ZNF236: variants seen among roughly 807,000 people sequenced by gnomAD.
The protein encoded by ZNF236 is zinc finger protein 236, also known as regulated by glucose.
A neutral mutation model predicts 191.2 loss-of-function variants in ZNF236; 50 were observed. The ratio of observed to expected loss-of-function variants is 0.26; its 90% confidence interval spans 0.21 to 0.33. The LOEUF (loss-of-function observed/expected upper bound fraction) is 0.33. Ranked by LOEUF, ZNF236 falls within the 10% of genes least tolerant of loss-of-function variation. ZNF236 has a pLI of 1.00. For missense variants in ZNF236, 1,754 were observed against 2,374.5 expected (o/e 0.74, Z 5.43); for synonymous variants, 907 against 928.8 (o/e 0.98, Z 0.43).
At chr18:76,908,696 A>G (rs1176454009) in intron 14 of ZNF236, 123 bp downstream of exon 14, 2 of 1,270,966 alleles carry the variant, frequency 1.6e-6, no homozygotes, top group East Asian at 4.7e-5. Context: ...CTGTATGTGA[A>G]AGAGATTGAA....
At chr18:76,868,894 A>C (rs771977221) in intron 4 of ZNF236, 31 bp downstream of exon 4, 4 of 1,555,104 alleles carry the variant, frequency 2.6e-6, no homozygotes, top group Non-Finnish European at 3.5e-6. Flanking sequence ...TTGGTCAAAA[A>C]TCCATCTAAT....
At chr18:76,956,637 G>A (rs1257489498) in intron 28 of ZNF236, among the ~76,000 whole-genome samples, 1 of 152,198 alleles carries the variant, frequency 6.6e-6, no homozygotes, top group Non-Finnish European at 1.5e-5. Flanking sequence ...GCCTCCCAAG[G>A]TTTAGCTGCC....
intron 3 of ZNF236, among the ~76,000 whole-genome samples, chr18:76,860,021 G>A (rs17059983): frequency 6.6e-6 from 1 of 152,248 alleles, no homozygotes; most frequent in East Asian, 1.9e-4. Flanking sequence ...GCTTTCCACC[G>A]CTCAGCCGCT....
rs1968836120 is a variant in ZNF236 at position 76,968,349 on chromosome 18, G to A, written c.*10G>A. Reference sequence around the variant, plus strand: ...CACCCACGTCTTCTGATGCGAGTTGGAAGTACACCTTTAAGAATGTTTCTG... The same window carrying A: ...CACCCACGTCTTCTGATGCGAGTTGAAAGTACACCTTTAAGAATGTTTCTG... On this transcript the variant is annotated 3_prime_UTR_variant, in exon 31 of 31. Transcript: ENST00000320610. 4.4e-6 allele frequency: 7 copies of A among 1,603,252 alleles called. No individual in the cohort carries two copies. The highest frequency in any genetic ancestry group is 5.9e-6 in the Non-Finnish European group (7 of 1,177,302).
chr18:76,949,442 A>G (rs1333042111), intron 27 of ZNF236, among the ~76,000 whole-genome samples: 1 of 152,142 alleles, frequency 6.6e-6, no homozygotes, highest in Non-Finnish European at 1.5e-5. Context: ...TTTTTTTCAA[A>G]ATTTGACAGA....
chr18:76,903,134 G>A (rs1049518634), intron 11 of ZNF236, among the ~76,000 whole-genome samples: 2 of 152,236 alleles, frequency 1.3e-5, no homozygotes, highest in Non-Finnish European at 2.9e-5. Context: ...AGGAAGCATA[G>A]GTGAATTTCC....
At chr18:76,892,328 A>G (rs1977272625) in intron 9 of ZNF236, among the ~76,000 whole-genome samples, 1 of 151,532 alleles carries the variant, frequency 6.6e-6, no homozygotes. Flanking sequence ...ATATTTCTTT[A>G]TCTTGACTAA....
intron 27 of ZNF236, 108 bp from the exon 28 acceptor site, chr18:76,955,877 C>A (rs769042083): frequency 3.2e-6 from 4 of 1,249,572 alleles, no homozygotes; most frequent in Admixed American, 2.0e-5. Flanking sequence ...GTGGGCTTGG[C>A]GTGTCCGTGC....
In ZNF236 at chr18:76,956,589, T is replaced by A. The variant is rs1968531095; in HGVS notation, c.5112+407T>A. 2.0e-5 allele frequency among the ~76,000 whole-genome samples: 3 copies of A among 152,190 alleles called. No homozygotes were observed. In the South Asian group the frequency reaches 6.2e-4, roughly 32 times the overall value. ...TGGGCAGCCCTAACAAATGCATGTG[T>A]GCTCACCCTGGGGACCAGCCCTGAA... is the stretch of plus-strand genomic sequence containing the variant. On this transcript the variant is annotated intron_variant, in intron 28 of 30. Transcript: ENST00000320610.
chr18:76,823,673 A>G (rs1020470971), intron 1 of ZNF236, among the ~76,000 whole-genome samples: 1 of 152,244 alleles, frequency 6.6e-6, no homozygotes, highest in African/African-American at 2.4e-5. Flanking sequence ...AGGCAGACAC[A>G]CAACCGGGCA....
rs1967641420 is a variant in ZNF236 at position 76,925,225 on chromosome 18, C to T, written c.3698C>T (p.Ala1233Val). 6.2e-7 allele frequency: 1 copy of T among 1,614,138 alleles called. No individual in the cohort carries two copies. The highest frequency in any genetic ancestry group is 8.5e-7 in the Non-Finnish European group (1 of 1,180,008). ...TTCAGCTGTCACGTCTGCAGCAACG[C>T]CTTCTCCACGAAGGGAAGTCTGAAG... ...KLFSCHVCSN[A>V]FSTKGSLKVH... Residue 1233 changes from alanine to valine, a missense_variant, in exon 22 of 31, where the codon GCC becomes GTC. Physicochemically the swap from Ala to Val is moderately conservative, Grantham distance 64. Coordinates refer to ENST00000320610, the MANE Select transcript of ZNF236 (RefSeq NM_001306089.2). The surrounding 1 kb of genome is among the most constrained non-coding windows in gnomAD (Gnocchi z 5.7).
At chr18:76,847,737 A>G (rs577482586) in intron 1 of ZNF236, among the ~76,000 whole-genome samples, 2 of 152,100 alleles carry the variant, frequency 1.3e-5, no homozygotes, top group Admixed American at 6.6e-5. Context: ...CTGCCTCCCA[A>G]AGTGCTGGGA....
chr18:76,919,824 G>C lies in ZNF236; in HGVS notation c.3323G>C (p.Arg1108Pro), dbSNP rs779267790. The C allele has an allele frequency of 1.9e-6, 3 of 1,614,190 alleles. No individual in the cohort carries two copies. The highest frequency in any genetic ancestry group is 2.5e-6 in the Non-Finnish European group (3 of 1,180,034). ...GAACATTCTGACAGAAATGCATCAC[G>C]GAAGTCTCGTCCTGAGGTCATCACT... is the stretch of plus-strand genomic sequence containing the variant. Reference protein sequence around the residue: ...EEEHSDRNASRKSRPEVITFT... With the variant: ...EEEHSDRNASPKSRPEVITFT... The change falls in exon 20 of 31, where the codon CGG becomes CCG. Residue 1108 changes from arginine (R) to proline (P), a missense_variant. By Grantham distance (103) the Arg-to-Pro change is moderately radical (BLOSUM62 -2). Coordinates refer to ENST00000320610, the MANE Select transcript of ZNF236 (RefSeq NM_001306089.2). This position sits in a 1 kb window ranked among gnomAD's most constrained non-coding sequence, Gnocchi z 5.3.
chr18:76,877,945 A>G, intron 6 of ZNF236, 64 bp from the exon 7 acceptor site: 1 of 1,300,908 alleles, frequency 7.7e-7, no homozygotes, highest in Non-Finnish European at 1.1e-6. Context: ...ATTTGCCATA[A>G]TTTAGATGTT....
In ZNF236 at chr18:76,915,709, C is replaced by T. The variant is rs372179368; in HGVS notation, c.3124C>T (p.Arg1042Trp). The change falls in exon 19 of 31, where the codon CGG (arginine) becomes TGG (tryptophan). Residue 1042 changes from arginine to tryptophan, a missense_variant. Arg to Trp is a moderately radical substitution (Grantham distance 101, BLOSUM62 -3). Transcript: ENST00000320610. ...ASFTTNGSLT[R>W]HMATHMSMKP... ...CTTCACCACCAATGGCAGCCTCACC[C>T]GGCACATGGCCACACATATGAGCAT... 9.3e-6 allele frequency: 15 copies of T among 1,614,006 alleles called. No homozygotes were observed. Among genetic ancestry groups the T allele is most frequent in the East Asian group, 2.2e-5 (1 of 44,892 alleles).
chr18:76,925,490 G>C lies in ZNF236; in HGVS notation c.3963G>C (p.Gln1321His), dbSNP rs373645930. 5 of 1,614,174 alleles carry C rather than the reference G, an allele frequency of 3.1e-6. No homozygotes were observed. The highest frequency in any genetic ancestry group is 4.2e-6 in the Non-Finnish European group (5 of 1,180,054). Residue 1321 changes from glutamine to histidine, a missense_variant, in exon 22 of 31, where the codon CAG becomes CAC. This residue lies in a region of ZNF236 where 606 missense variants were observed against 761.5 expected (regional missense o/e 0.80). Transcript: ENST00000320610. The surrounding 1 kb of genome is among the most constrained non-coding windows in gnomAD (Gnocchi z 5.7). ...FIMNNSVLTG[Q>H]FDQNLLQPGL... is the part of the protein sequence containing the mutation. The stretch of plus-strand genomic sequence containing the variant: ...TGAACAACTCTGTTCTAACAGGACA[G>C]TTTGATCAGAATCTGCTGCAACCAG...
chr18:76,882,583 G>A (rs1976929868), intron 9 of ZNF236, among the ~76,000 whole-genome samples: 1 of 152,184 alleles, frequency 6.6e-6, no homozygotes, highest in African/African-American at 2.4e-5. Context: ...TGGGGAACAA[G>A]TGCATTCTTG....
intron 28 of ZNF236, among the ~76,000 whole-genome samples, chr18:76,958,533 T>C (rs925729946): frequency 3.9e-5 from 6 of 152,222 alleles, no homozygotes; most frequent in African/African-American, 1.4e-4. Flanking sequence ...AGTGAGTGCC[T>C]GCTGTATGCA....
chr18:76,851,027 CTT>C (rs1252982082), intron 2 of ZNF236, among the ~76,000 whole-genome samples: 2 of 131,718 alleles, frequency 1.5e-5, no homozygotes, highest in Non-Finnish European at 3.3e-5. Context: ...CTTTTTCTTT[CTT>C]TTTTTTTTTT....
Sources: gnomAD v4.1 joint callset for allele counts (sites outside exome capture counted in the v4.1 genomes callset) on GRCh38, gnomAD v4.1.1 for gene constraint, gnomAD v4.1.1 regional missense constraint, Gnocchi (gnomAD v3.1) non-coding constraint, MANE v1.5 for transcripts, NCBI Gene and HGNC (gene_info 2026-07-23, HGNC 2026-07-21) for gene names.